Variants in SIPA1L3 observed in about 807,000 individuals in gnomAD.
The protein encoded by SIPA1L3 is signal-induced proliferation-associated 1-like protein 3.
In SIPA1L3, 59 loss-of-function variants were observed where a neutral mutation model predicts 150.1. The ratio of observed to expected loss-of-function variants is 0.39; its 90% confidence interval spans 0.32 to 0.49. The LOEUF is 0.49. Among genes scored for constraint, SIPA1L3 ranks in the 20% least tolerant of loss-of-function variants. The pLI is 0.86. For synonymous variants in SIPA1L3, 1,070 were observed against 1,077.6 expected (o/e 0.99, Z 0.14); for missense variants, 2,211 against 2,489.5 (o/e 0.89, Z 2.38).
intron 8 of SIPA1L3, among the ~76,000 whole-genome samples, chr19:38,111,571 C>T (rs886547655): frequency 6.6e-6 from 1 of 152,154 alleles, no homozygotes; most frequent in African/African-American, 2.4e-5. Context: ...CAGTAGTCAC[C>T]GCGAAATTAC....
chr19:37,939,019 T>C (rs2046627712), intron 1 of SIPA1L3, among the ~76,000 whole-genome samples: 1 of 152,196 alleles, frequency 6.6e-6, no homozygotes, highest in Non-Finnish European at 1.5e-5. Context: ...TAAAAGTTTA[T>C]GATCCTCGGG....
chr19:38,106,671 C>CAACATCCGGCAGCCGT, intron 7 of SIPA1L3, 31 bp downstream of exon 7: 3 of 1,475,798 alleles, frequency 2.0e-6, no homozygotes, highest in Non-Finnish European at 2.8e-6. Context: ...GCACGGCTGC[C>CAACATCCGGCAGCCGT]GGATGTTGGC....
intron 1 of SIPA1L3, among the ~76,000 whole-genome samples, chr19:37,966,843 G>C (rs1426524821): frequency 1.3e-5 from 2 of 152,170 alleles, no homozygotes; most frequent in African/African-American, 4.8e-5. Context: ...GGGTGGAGCA[G>C]CTCCCGCGAG....
chr19:38,120,263 G>A (rs941924048), intron 9 of SIPA1L3, among the ~76,000 whole-genome samples: 2 of 149,776 alleles, frequency 1.3e-5, no homozygotes, highest in Non-Finnish European at 3.0e-5. Flanking sequence ...GGAATTTCCA[G>A]ACCAACCTGG....
intron 1 of SIPA1L3, among the ~76,000 whole-genome samples, chr19:38,011,175 A>G (rs537087776): frequency 1.3e-5 from 2 of 152,268 alleles, no homozygotes; most frequent in South Asian, 4.1e-4. Context: ...TCAGCAAGAC[A>G]TAATAAAGCA....
At chr19:38,021,080 C>T (rs1172353389) in intron 1 of SIPA1L3, among the ~76,000 whole-genome samples, 5 of 152,112 alleles carry the variant, frequency 3.3e-5, no homozygotes, top group African/African-American at 7.2e-5. Flanking sequence ...GGATTACAGG[C>T]GTGAGCCACC....
chr19:38,204,050 G>A, intron 20 of SIPA1L3, 77 bp from the exon 21 acceptor site: 1 of 1,168,000 alleles, frequency 8.6e-7, no homozygotes, highest in Non-Finnish European at 1.2e-6. Flanking sequence ...TGTACCCCCA[G>A]GCTCCTCAGA....
intron 9 of SIPA1L3, among the ~76,000 whole-genome samples, chr19:38,128,058 T>C (rs2145913553): frequency 7.5e-6 from 1 of 133,112 alleles, no homozygotes; most frequent in East Asian, 2.1e-4. Flanking sequence ...TTTTTTTTTT[T>C]TTTTTTTTTT....
At chr19:38,129,496 G>A (rs10413596) in intron 9 of SIPA1L3, among the ~76,000 whole-genome samples, 4,409 of 151,958 alleles carry the variant, frequency 0.029, 211 homozygotes, top group African/African-American at 0.1. Context: ...ATGGTGGCGC[G>A]TGCCTGTAAT....
intron 13 of SIPA1L3, among the ~76,000 whole-genome samples, 193 bp downstream of exon 13, chr19:38,153,160 G>A (rs1040381692): frequency 1.3e-5 from 2 of 152,236 alleles, no homozygotes; most frequent in African/African-American, 2.4e-5. Context: ...ATCCTTATCC[G>A]TCCAGACAGG....
intron 1 of SIPA1L3, among the ~76,000 whole-genome samples, chr19:37,954,964 G>A (rs531875590): frequency 1.3e-5 from 2 of 151,940 alleles, no homozygotes; most frequent in South Asian, 2.1e-4. Flanking sequence ...GTGCATGCCT[G>A]TAGTCCCAGG....
rs1246593792 is a variant in SIPA1L3 at position 38,206,201 on chromosome 19, G to A, written c.5307G>A (p.Lys1769=). Residue 1769 remains lysine, a synonymous_variant, in exon 22 of 22, where the codon AAG becomes AAA. Transcript: ENST00000222345. ...ESQAASEQLR[K]FAEIFCREKK... Reference sequence around the variant, plus strand: ...AGGCCGCCAGCGAGCAGCTGCGCAAGTTTGCGGAGATCTTCTGCAGGGAGA... The same window carrying A: ...AGGCCGCCAGCGAGCAGCTGCGCAAATTTGCGGAGATCTTCTGCAGGGAGA... The A allele has an allele frequency of 6.4e-7, 1 of 1,562,004 alleles. No homozygotes were observed. The highest frequency in any genetic ancestry group is 1.2e-5 in the South Asian group (1 of 84,534).
At chr19:38,024,290 G>A (rs1968450594) in intron 1 of SIPA1L3, among the ~76,000 whole-genome samples, 1 of 152,170 alleles carries the variant, frequency 6.6e-6, no homozygotes, top group Non-Finnish European at 1.5e-5. Context: ...TAACATGTAA[G>A]TGTTCTGAAA....
chr19:37,965,081 T>G (rs2046891200), intron 1 of SIPA1L3, among the ~76,000 whole-genome samples: 1 of 152,204 alleles, frequency 6.6e-6, no homozygotes, highest in African/African-American at 2.4e-5. Context: ...GAAAATTTCT[T>G]TCCTAATATG....
intron 16 of SIPA1L3, among the ~76,000 whole-genome samples, chr19:38,191,330 G>T (rs1041079203): frequency 4.6e-5 from 7 of 151,772 alleles, no homozygotes; most frequent in African/African-American, 7.3e-5. Flanking sequence ...AGCCCAGGAG[G>T]TTGAGGCTGC....
chr19:38,198,310 A>G, intron 18 of SIPA1L3, 79 bp from the exon 19 acceptor site: 1 of 1,395,776 alleles, frequency 7.2e-7, no homozygotes, highest in Middle Eastern at 1.9e-4. Context: ...TCTCTGCATA[A>G]GCAATGGGAT....
chr19:37,928,578 C>CA (rs976363128), intron 1 of SIPA1L3, among the ~76,000 whole-genome samples: 10 of 151,060 alleles, frequency 6.6e-5, no homozygotes, highest in Non-Finnish European at 8.9e-5. Context: ...GACTCCGTCT[C>CA]AAAAAAAACA....
intron 1 of SIPA1L3, among the ~76,000 whole-genome samples, chr19:37,942,623 C>T (rs571593856): frequency 3.9e-4 from 59 of 151,390 alleles, no homozygotes; most frequent in Middle Eastern, 3.4e-3. Flanking sequence ...CTGGCTACGG[C>T]GTGGAGCATA....
intron 9 of SIPA1L3, among the ~76,000 whole-genome samples, chr19:38,128,046 CTTTTTTTTTTTTTTT>C (rs34053188): frequency 3.0e-4 from 20 of 66,550 alleles, no homozygotes; most frequent in African/African-American, 5.1e-4. Context: ...CCTTGGGCCT[CTTTTTTTTTTTTTTT>C]TTTTTTTTTT....
Sources: gnomAD v4.1 joint callset for allele counts (sites outside exome capture counted in the v4.1 genomes callset) on GRCh38, gnomAD v4.1.1 for gene constraint, MANE v1.5 for transcripts, NCBI Gene and HGNC (gene_info 2026-07-23, HGNC 2026-07-21) for gene names.